Variants in RAD51B observed in about 807,000 individuals in gnomAD.
RAD51B encodes DNA repair protein RAD51 homolog 2.
In RAD51B, 38 loss-of-function variants were observed where a neutral mutation model predicts 42.2. The observed-to-expected ratio is 0.90, with a 90% CI of 0.70 to 1.18. The LOEUF is 1.18. Among genes scored for constraint, RAD51B ranks in the 50% most tolerant of loss-of-function variants. The pLI, the probability that RAD51B is intolerant of heterozygous loss-of-function variation, is 0.00. For missense variants in RAD51B, 373 were observed against 400.7 expected (o/e 0.93, Z 0.59); for synonymous variants, 154 against 145.2 (o/e 1.06, Z -0.43).
intron 10 of RAD51B, among the ~76,000 whole-genome samples, chr14:68,641,348 T>C (rs907696411): frequency 1.9e-4 from 29 of 152,198 alleles, no homozygotes; most frequent in Non-Finnish European, 2.6e-4. Context: ...TCCCAGGAGC[T>C]TAAGAAGTTA....
At chr14:68,018,529 T>A (rs912622248) in intron 7 of RAD51B, among the ~76,000 whole-genome samples, 11 of 152,264 alleles carry the variant, frequency 7.2e-5, no homozygotes, top group Admixed American at 1.3e-4. Context: ...TTAGATTTTT[T>A]AAATTAATTC....
At chr14:67,987,844 G>A (rs1216881478) in intron 7 of RAD51B, among the ~76,000 whole-genome samples, 2 of 152,144 alleles carry the variant, frequency 1.3e-5, no homozygotes, top group African/African-American at 2.4e-5. Flanking sequence ...GGATAACTTG[G>A]CAATCGCTTC....
At chr14:68,202,496 A>G (rs1418939142) in intron 7 of RAD51B, among the ~76,000 whole-genome samples, 1 of 147,268 alleles carries the variant, frequency 6.8e-6, no homozygotes, top group African/African-American at 2.5e-5. Flanking sequence ...CATTTCAATG[A>G]TGTTCACAGC....
Position 68,604,391 on chromosome 14 carries a change from G to A in RAD51B, c.1037-6615G>A, listed in dbSNP as rs112780459. Among the ~76,000 whole-genome samples the A allele has an allele frequency of 6.5e-4, 99 of 152,242 alleles. 3 individuals carry two copies. The highest frequency in any genetic ancestry group is 1.9e-3 in the African/African-American group (81 of 41,542). ...AATATTCTAGAGATTTTTCAGCTTCGTACAATTATCGGTGGCCACTGAGCC... is the reference window on the plus strand; with the variant it reads ...AATATTCTAGAGATTTTTCAGCTTCATACAATTATCGGTGGCCACTGAGCC... On this transcript the variant is annotated intron_variant, in intron 10 of 10. Transcript: ENST00000487861.
intron 7 of RAD51B, among the ~76,000 whole-genome samples, chr14:68,137,722 G>A (rs890568796): frequency 6.6e-5 from 10 of 152,210 alleles, no homozygotes; most frequent in Admixed American, 4.6e-4. Flanking sequence ...CAATTGCTGA[G>A]GGTTTTCTGA....
At chr14:68,313,975 G>A (rs763090934) in intron 8 of RAD51B, among the ~76,000 whole-genome samples, 3 of 152,150 alleles carry the variant, frequency 2.0e-5, no homozygotes, top group Non-Finnish European at 4.4e-5. Flanking sequence ...TCTAGGCCTG[G>A]AAGCTTCAGC....
chr14:68,415,551 G>A (rs536788945), intron 9 of RAD51B, among the ~76,000 whole-genome samples: 4 of 152,288 alleles, frequency 2.6e-5, no homozygotes, highest in South Asian at 4.1e-4. Context: ...CATGTAAACC[G>A]GACTTGCAGT....
At chr14:68,609,580 C>T (rs1240738848) in intron 10 of RAD51B, among the ~76,000 whole-genome samples, 1 of 152,202 alleles carries the variant, frequency 6.6e-6, no homozygotes, top group Non-Finnish European at 1.5e-5. Flanking sequence ...AAGTGGCCGC[C>T]GTCCTCAGCC....
intron 4 of RAD51B, among the ~76,000 whole-genome samples, chr14:67,857,731 A>G (rs2042041515): frequency 6.6e-6 from 1 of 152,252 alleles, no homozygotes; most frequent in South Asian, 2.1e-4. Context: ...ATGATGGAAG[A>G]TTTTTCTCAG....
chr14:67,910,484 G>A (rs2043940545), intron 7 of RAD51B, among the ~76,000 whole-genome samples: 1 of 136,096 alleles, frequency 7.3e-6, no homozygotes, highest in Non-Finnish European at 1.6e-5. Flanking sequence ...AATTGTAAAA[G>A]TGAACTATAT....
At chr14:68,029,296 T>C (rs529581538) in intron 7 of RAD51B, among the ~76,000 whole-genome samples, 2 of 152,372 alleles carry the variant, frequency 1.3e-5, no homozygotes, top group East Asian at 3.9e-4. Context: ...TCTTGTCCTT[T>C]TTCAAACTTT....
At chr14:68,013,909 C>A (rs1240785087) in intron 7 of RAD51B, among the ~76,000 whole-genome samples, 1 of 151,910 alleles carries the variant, frequency 6.6e-6, no homozygotes, top group African/African-American at 2.4e-5. Context: ...GAAGCAGTGC[C>A]CAGATGAGTA....
At chr14:67,943,009 A>G (rs747732406) in intron 7 of RAD51B, among the ~76,000 whole-genome samples, 33 of 152,102 alleles carry the variant, frequency 2.2e-4, no homozygotes, top group Non-Finnish European at 4.4e-4. Flanking sequence ...ATTTTGAAAC[A>G]GTCAACTGTC....
In RAD51B at chr14:68,544,955, A is replaced by G. The variant is rs1019035014; in HGVS notation, c.1037-49530A>G. Reference sequence around the variant, plus strand: ...ATTATTGTGGGCTTAGGGAATAGTAATTAAGGAGTTCCAGGGATGGGATGT... The same window carrying G: ...ATTATTGTGGGCTTAGGGAATAGTAGTTAAGGAGTTCCAGGGATGGGATGT... On this transcript the variant is annotated intron_variant, in intron 10 of 10. Transcript: ENST00000487270. 3.3e-5 allele frequency among the ~76,000 whole-genome samples: 5 copies of G among 152,348 alleles called. No homozygotes were observed. The South Asian group carries it at 8.3e-4, about 25-fold the overall frequency.
chr14:68,335,522 C>T (rs2082438078), intron 8 of RAD51B, among the ~76,000 whole-genome samples: 1 of 152,096 alleles, frequency 6.6e-6, no homozygotes, highest in Non-Finnish European at 1.5e-5. Flanking sequence ...TCACTGCAAC[C>T]AGCTCACCTT....
chr14:68,547,440 A>G (rs959343153), intron 10 of RAD51B, among the ~76,000 whole-genome samples: 3 of 152,212 alleles, frequency 2.0e-5, no homozygotes, highest in Non-Finnish European at 2.9e-5. Flanking sequence ...ATGAAAACAT[A>G]AAGAGAAGGC....
chr14:68,526,544 C>T (rs1594943123), intron 10 of RAD51B, among the ~76,000 whole-genome samples: 2 of 152,330 alleles, frequency 1.3e-5, no homozygotes, highest in East Asian at 3.9e-4. Flanking sequence ...ATGAACATGT[C>T]CTCCAGGAAG....
chr14:68,361,953 G>A (rs1037901183), intron 8 of RAD51B, among the ~76,000 whole-genome samples: 7 of 152,166 alleles, frequency 4.6e-5, no homozygotes, highest in Non-Finnish European at 8.8e-5. Context: ...TAGGATTACA[G>A]GCATGAACCA....
chr14:67,828,512 G>T (rs1772497862), intron 3 of RAD51B, among the ~76,000 whole-genome samples: 1 of 151,994 alleles, frequency 6.6e-6, no homozygotes, highest in Admixed American at 6.6e-5. Flanking sequence ...TTTTGCTTTT[G>T]TTCCAATTAC....
Sources: allele counts gnomAD v4.1 joint callset (sites outside exome capture counted in the v4.1 genomes callset), GRCh38; gene constraint gnomAD v4.1.1; transcripts MANE v1.5; gene names NCBI Gene and HGNC (gene_info 2026-07-23, HGNC 2026-07-21).